Variants in GNAS-AS1 observed in about 807,000 individuals in gnomAD.
GNAS-AS1 encodes the protein GNAS antisense RNA 1 (non-protein coding).
At chr20:58,836,400 C>T (rs2085603455) in intron 4 of GNAS-AS1, 2 of 152,344 alleles carry the variant, frequency 1.3e-5, no homozygotes. Context: ...CTTAAGGCCT[C>T]TTCCACATGA....
intron 2 of GNAS-AS1, chr20:58,843,903 T>C (rs1294462080): frequency 6.6e-6 from 1 of 152,180 alleles, no homozygotes; most frequent in African/African-American, 2.4e-5. Flanking sequence ...TTTATGTTCA[T>C]CAGAATTCAA....
In GNAS-AS1 at chr20:58,825,454, T is replaced by G. The variant is rs148252809; in HGVS notation, n.820-6199A>C. 5.3e-5 allele frequency among the ~76,000 whole-genome samples: 8 copies of G among 152,340 alleles called. 1 individual carries two copies. The East Asian group carries it at 1.5e-3, about 29-fold the overall frequency. On this transcript the variant is annotated intron_variant and non_coding_transcript_variant, in intron 4 of 4. Coordinates refer to ENST00000424094, the Ensembl canonical transcript of GNAS-AS1. ...CAGCCACGCTGCCATTTCCAGAGCA[T>G]GCACTTGTCTTCATGAGTATTTTTA... is the stretch of plus-strand genomic sequence containing the variant.
chr20:58,832,980 C>A (rs1010563373), intron 4 of GNAS-AS1, among the ~76,000 whole-genome samples: 2 of 152,332 alleles, frequency 1.3e-5, no homozygotes, highest in East Asian at 3.9e-4. Context: ...CACAGGCTGG[C>A]GGCTACAACT....
At chr20:58,846,273 G>A (rs1001473349) in intron 2 of GNAS-AS1, among the ~76,000 whole-genome samples, 1 of 152,144 alleles carries the variant, frequency 6.6e-6, no homozygotes, top group African/African-American at 2.4e-5. Flanking sequence ...GTTGAGGGCA[G>A]CTTCAAGTAT....
intron 2 of GNAS-AS1, among the ~76,000 whole-genome samples, chr20:58,845,439 G>A (rs961297367): frequency 4.6e-5 from 7 of 152,040 alleles, no homozygotes; most frequent in African/African-American, 1.7e-4. Context: ...TTTATGCACT[G>A]CAGGACCTTG....
rs587778387 is a variant in GNAS-AS1, at chr20:58,840,450, CCGAGTCCGAAAT to C, written n.819+1475_819+1486del. ...TTCGACTACGAGACCGAGAGCGAGA[CCGAGTCCGAAAT>C]CGAGTCCGAGACCGACTTCGAGACC... On this transcript the variant is annotated intron_variant and non_coding_transcript_variant, in intron 4 of 4. Coordinates refer to ENST00000424094, the Ensembl canonical transcript of GNAS-AS1. The surrounding 1 kb of genome is among the most constrained non-coding windows in gnomAD (Gnocchi z 6.0). 2.3e-5 allele frequency: 37 copies of C among 1,613,376 alleles called. No individual in the cohort carries two copies. The highest frequency in any genetic ancestry group is 3.3e-5 in the Admixed American group (2 of 60,008).
intron 4 of GNAS-AS1, among the ~76,000 whole-genome samples, chr20:58,822,597 A>G (rs1433899662): frequency 6.6e-6 from 1 of 152,212 alleles, no homozygotes; most frequent in Non-Finnish European, 1.5e-5. Flanking sequence ...GGGTGAGAGC[A>G]GGCCTGGAGA....
At chr20:58,839,667 C>T (rs996387771) in intron 4 of GNAS-AS1, 3 of 432,686 alleles carry the variant, frequency 6.9e-6, no homozygotes, top group African/African-American at 6.1e-5. Context: ...GGAGGTGGCC[C>T]CCACCTCCTT....
At chr20:58,835,798 T>C (rs1358290176) in intron 4 of GNAS-AS1, among the ~76,000 whole-genome samples, 1 of 152,222 alleles carries the variant, frequency 6.6e-6, no homozygotes, top group Non-Finnish European at 1.5e-5. Context: ...AAATAGCCAA[T>C]TTCATTTGTA....
rs1456813198 is a variant in GNAS-AS1 at position 58,849,466 on chromosome 20, C to T, written n.375-549G>A. On this transcript the variant is annotated intron_variant and non_coding_transcript_variant, in intron 1 of 4. Coordinates refer to ENST00000424094, the Ensembl canonical transcript of GNAS-AS1. ...CTCCATAAATTCATCTTTGTAAGTA[C>T]GATTGCCAATTTGAATGTGTGATCT... 3.3e-5 allele frequency among the ~76,000 whole-genome samples: 5 copies of T among 152,216 alleles called. No homozygotes were observed. In the East Asian group the frequency reaches 7.7e-4, roughly 23 times the overall value.
chr20:58,820,731 C>G (rs1387904475), intron 4 of GNAS-AS1, among the ~76,000 whole-genome samples: 3 of 152,260 alleles, frequency 2.0e-5, no homozygotes, highest in Non-Finnish European at 4.4e-5. Flanking sequence ...TGGATGGCAG[C>G]AGGCAAAGAG....
chr20:58,846,263 G>A (rs145659197), intron 2 of GNAS-AS1, among the ~76,000 whole-genome samples: 286 of 152,288 alleles, frequency 1.9e-3, no homozygotes, highest in South Asian at 5.0e-3. Context: ...AGAGAGAAAG[G>A]TTGAGGGCAG....
rs1411730124 is a variant in GNAS-AS1 at position 58,830,565 on chromosome 20, C to G, written n.820-11310G>C. Among the ~76,000 whole-genome samples, 8 of 124,452 alleles carry G rather than the reference C, an allele frequency of 6.4e-5. 1 individual carries two copies. Among genetic ancestry groups the G allele is most frequent in the Non-Finnish European group, 1.2e-4 (7 of 57,504 alleles). The allele number at this position is 124,452 out of a possible 152,430, so 81.6% of individuals were successfully genotyped here. ...AGCACCACCATCACCACCACCATCA[C>G]CACCACCACACCACCACCACCACAA... On this transcript the variant is annotated intron_variant and non_coding_transcript_variant, in intron 4 of 4. Coordinates refer to ENST00000424094, the Ensembl canonical transcript of GNAS-AS1.
chr20:58,839,771 C>G, intron 4 of GNAS-AS1: 2 of 568,988 alleles, frequency 3.5e-6, no homozygotes, highest in Non-Finnish European at 6.2e-6. Flanking sequence ...CTCTCCCAGG[C>G]AAGAGGACCG....
At chr20:58,839,003 C>A (rs1184603136) in intron 4 of GNAS-AS1, 2 of 398,260 alleles carry the variant, frequency 5.0e-6, no homozygotes, top group Non-Finnish European at 8.8e-6. Flanking sequence ...CTGAACTGCC[C>A]CGCAGGAGAG....
intron 4 of GNAS-AS1, among the ~76,000 whole-genome samples, chr20:58,831,965 A>G (rs1479312943): frequency 5.3e-5 from 8 of 152,278 alleles, no homozygotes; most frequent in Non-Finnish European, 8.8e-5. Flanking sequence ...GTGGACTGGC[A>G]TTTGGGAACC....
chr20:58,842,553 A>T, intron 2 of GNAS-AS1: 1 of 398,646 alleles, frequency 2.5e-6, no homozygotes, highest in Non-Finnish European at 4.4e-6. Flanking sequence ...TCCCTAGTAA[A>T]TACGGAGAAA....
rs746422746 is a variant in GNAS-AS1, at chr20:58,840,328, G to A, written n.819+1609C>T. On this transcript the variant is annotated intron_variant and non_coding_transcript_variant, in intron 4 of 4. Coordinates refer to ENST00000424094, the Ensembl canonical transcript of GNAS-AS1. This position sits in a 1 kb window ranked among gnomAD's most constrained non-coding sequence, Gnocchi z 6.0. Reference sequence around the variant, plus strand: ...ACGCCCACCACCGCTCCGGCGCCCAGGTATTCCCTGAGTCCCCCGAATCGG... The same window carrying A: ...ACGCCCACCACCGCTCCGGCGCCCAAGTATTCCCTGAGTCCCCCGAATCGG... 1.9e-6 allele frequency: 3 copies of A among 1,612,930 alleles called. No individual in the cohort carries two copies. Among genetic ancestry groups the A allele is most frequent in the Admixed American group, 1.7e-5 (1 of 60,010 alleles).
In GNAS-AS1 at chr20:58,841,616, G is replaced by A; in HGVS notation, n.819+321C>T. On this transcript the variant is annotated intron_variant and non_coding_transcript_variant, in intron 4 of 4. Coordinates refer to ENST00000424094, the Ensembl canonical transcript of GNAS-AS1. The surrounding 1 kb of genome is among the most constrained non-coding windows in gnomAD (Gnocchi z 5.0). ...CCTCAAAGAGCGTGCGCACCTGCCC[G>A]CGCGCGCCGGAGCTGACCTCTCCCG... 2.9e-6 allele frequency: 3 copies of A among 1,049,520 alleles called. No individual in the cohort carries two copies. Among genetic ancestry groups the A allele is most frequent in the South Asian group, 9.1e-5 (2 of 21,860 alleles). The allele number at this position is 1,049,520 out of a possible 1,614,324, so 65.0% of individuals were successfully genotyped here.
Sources: gnomAD v4.1 joint callset for allele counts (sites outside exome capture counted in the v4.1 genomes callset) on GRCh38, gnomAD v4.1.1 for gene constraint, Gnocchi (gnomAD v3.1) non-coding constraint, MANE v1.5 for transcripts, NCBI Gene and HGNC (gene_info 2026-07-23, HGNC 2026-07-21) for gene names.